The following SEMA3A variants were observed in gnomAD, a reference collection of about 807,000 sequenced individuals.
The protein encoded by SEMA3A is semaphorin 3A.
SEMA3A carries 29 observed loss-of-function variants against 97.9 expected under a neutral mutation model. The ratio of observed to expected loss-of-function variants is 0.30; its 90% CI spans 0.22 to 0.40. The LOEUF is 0.40. SEMA3A is among the 10% of genes least tolerant of loss of function. SEMA3A has a pLI of 1.00. For synonymous variants in SEMA3A, 321 were observed against 323.7 expected (o/e 0.99, Z 0.09); for missense variants, 763 against 951.3 (o/e 0.80, Z 2.60).
chr7:84,053,839 AGTG>A (rs1792805004), intron 5 of SEMA3A, among the ~76,000 whole-genome samples: 3 of 74,526 alleles, frequency 4.0e-5, no homozygotes, highest in Admixed American at 1.6e-4. Context: ...ATGATTTTGC[AGTG>A]GCTGGTACCG....
At chr7:84,455,230 TA>T (rs1805660303) in intron 1 of SEMA3A, among the ~76,000 whole-genome samples, 1 of 151,904 alleles carries the variant, frequency 6.6e-6, no homozygotes, top group Admixed American at 6.6e-5. Flanking sequence ...TAGCTCTTTC[TA>T]AAAAAGGTTA....
At chr7:84,024,665 CACAT>C (rs1344701457) in intron 6 of SEMA3A, among the ~76,000 whole-genome samples, 1 of 152,194 alleles carries the variant, frequency 6.6e-6, no homozygotes, top group Non-Finnish European at 1.5e-5. Context: ...TTAGGGAATA[CACAT>C]ACATCTATCT....
intron 15 of SEMA3A, among the ~76,000 whole-genome samples, chr7:83,964,575 T>C (rs1788597446): frequency 6.6e-6 from 1 of 152,128 alleles, no homozygotes; most frequent in African/African-American, 2.4e-5. Context: ...ACCCTCATCA[T>C]ACCCTACCTA....
chr7:84,446,247 C>T (rs1584331057), intron 1 of SEMA3A, among the ~76,000 whole-genome samples: 2 of 152,154 alleles, frequency 1.3e-5, no homozygotes, highest in Admixed American at 6.5e-5. Flanking sequence ...GCTCTGATAT[C>T]TTCACCAATG....
At chr7:84,389,116 G>C (rs1460189663) in intron 1 of SEMA3A, among the ~76,000 whole-genome samples, 1 of 152,012 alleles carries the variant, frequency 6.6e-6, no homozygotes, top group Non-Finnish European at 1.5e-5. Context: ...ACTTGTAGGA[G>C]AGTTCTTTGC....
At chr7:84,266,703 T>C (rs1481215135) in intron 3 of SEMA3A, among the ~76,000 whole-genome samples, 1 of 151,950 alleles carries the variant, frequency 6.6e-6, no homozygotes. Flanking sequence ...AGTGAGAAAA[T>C]AGAAATGATG....
chr7:84,405,709 T>A (rs1468286811), intron 1 of SEMA3A, among the ~76,000 whole-genome samples: 3 of 152,296 alleles, frequency 2.0e-5, no homozygotes, highest in South Asian at 4.1e-4. Flanking sequence ...CAGACCACAG[T>A]GCAATCAAAC....
intron 1 of SEMA3A, among the ~76,000 whole-genome samples, chr7:84,165,199 C>G (rs114568435): frequency 0.013 from 1,887 of 150,700 alleles, 51 homozygotes; most frequent in African/African-American, 0.044. Flanking sequence ...AGAGTGAGTC[C>G]TCGTCTCAAA....
rs112456809 is a variant in SEMA3A at position 84,016,866 on chromosome 7, A to G, written c.668-2515T>C. Among the ~76,000 whole-genome samples, 498 of 152,344 alleles carry G rather than the reference A, an allele frequency of 3.3e-3. 2 individuals are homozygous for G. The highest frequency in any genetic ancestry group is 0.011 in the African/African-American group (477 of 41,584). ...GTAAGTTTGAGGATATTATAATCCA[A>G]CTGCAGAATAAAAATGAAAACAATC... On this transcript the variant is annotated intron_variant, in intron 6 of 16. Transcript: ENST00000265362.
chr7:84,058,050 G>A (rs569081445), intron 5 of SEMA3A, among the ~76,000 whole-genome samples: 3 of 152,182 alleles, frequency 2.0e-5, no homozygotes, highest in Non-Finnish European at 4.4e-5. Flanking sequence ...TGGTTTTAAA[G>A]TTTACTACTG....
intron 5 of SEMA3A, among the ~76,000 whole-genome samples, chr7:84,046,824 C>T (rs2115586403): frequency 6.6e-6 from 1 of 152,124 alleles, no homozygotes; most frequent in South Asian, 2.1e-4. Context: ...TGTAAAGTTA[C>T]TATGGTTCTA....
intron 1 of SEMA3A, among the ~76,000 whole-genome samples, chr7:84,390,605 C>T (rs1803515271): frequency 6.6e-6 from 1 of 151,926 alleles, no homozygotes; most frequent in Admixed American, 6.6e-5. Flanking sequence ...GCGTAAGATT[C>T]TCAAGCCCTC....
chr7:84,380,817 A>C (rs1018645393), intron 1 of SEMA3A, among the ~76,000 whole-genome samples: 2 of 152,238 alleles, frequency 1.3e-5, no homozygotes, highest in African/African-American at 4.8e-5. Context: ...AAAACCCTTA[A>C]CTTTCAGAGT....
intron 4 of SEMA3A, among the ~76,000 whole-genome samples, chr7:84,108,462 T>C (rs1795177927): frequency 6.6e-6 from 1 of 152,078 alleles, no homozygotes; most frequent in African/African-American, 2.4e-5. Flanking sequence ...ACTCAAAAGA[T>C]TGTTTTTAGT....
chr7:84,460,364 T>C (rs1805797880), intron 1 of SEMA3A, among the ~76,000 whole-genome samples: 1 of 151,742 alleles, frequency 6.6e-6, no homozygotes, highest in East Asian at 1.9e-4. Flanking sequence ...TCCAAAAATA[T>C]AATGAATCAC....
At chr7:84,284,045 T>C (rs996906381) in intron 3 of SEMA3A, among the ~76,000 whole-genome samples, 1 of 152,188 alleles carries the variant, frequency 6.6e-6, no homozygotes. Flanking sequence ...AAGATTTGAA[T>C]GAAGCTGTTA....
intron 4 of SEMA3A, among the ~76,000 whole-genome samples, chr7:84,081,466 G>A (rs1418570981): frequency 6.6e-6 from 1 of 151,942 alleles, no homozygotes; most frequent in East Asian, 1.9e-4. Flanking sequence ...GTTGGTGGGT[G>A]CTTATAGTCC....
intron 5 of SEMA3A, among the ~76,000 whole-genome samples, chr7:84,047,248 C>T (rs186971997): frequency 7.9e-5 from 12 of 151,720 alleles, no homozygotes; most frequent in African/African-American, 2.2e-4. Flanking sequence ...CATATCCAGA[C>T]GGTAAAGAAT....
At chr7:84,402,492 G>T (rs980105190) in intron 1 of SEMA3A, among the ~76,000 whole-genome samples, 2 of 152,088 alleles carry the variant, frequency 1.3e-5, no homozygotes, top group Non-Finnish European at 1.5e-5. Flanking sequence ...TCCCCCAGCT[G>T]GGTATGTATC....
Sources: allele counts gnomAD v4.1 joint callset (sites outside exome capture counted in the v4.1 genomes callset), GRCh38; gene constraint gnomAD v4.1.1; transcripts MANE v1.5; gene names NCBI Gene and HGNC (gene_info 2026-07-23, HGNC 2026-07-21).